The following ZNF534 variants were observed in gnomAD, a reference collection of about 807,000 sequenced individuals.
ZNF534 encodes KRAB domain only 3.
Under a neutral mutation model 13.6 loss-of-function variants are expected in ZNF534, and 19 were observed. That is an observed-to-expected ratio of 1.40 (90% CI 0.97 to 2.05). The LOEUF (loss-of-function observed/expected upper bound fraction) is 2.05. ZNF534 is among the 30% of genes most tolerant of loss of function. The pLI is 0.00. For missense variants in ZNF534, 782 were observed against 796.3 expected (o/e 0.98, Z 0.22); for synonymous variants, 244 against 273.8 (o/e 0.89, Z 1.07).
chr19:52,437,781 TCAA>T lies in ZNF534; in HGVS notation c.324_326del (p.Gln108del), dbSNP rs763354558. The T allele has an allele frequency of 3.1e-6, 5 of 1,601,548 alleles. No homozygotes were observed. The highest frequency in any genetic ancestry group is 4.3e-6 in the Non-Finnish European group (5 of 1,173,198). On this transcript the variant is annotated inframe_deletion, in exon 5 of 5. Transcript: ENST00000433050. ...GTGCAGGAAACAAGTCACTTAAAAATCAACATGGATTAACTCTTCAGTTACATC... is the reference window on the plus strand; with the variant it reads ...GTGCAGGAAACAAGTCACTTAAAAATCATGGATTAACTCTTCAGTTACATC...
intron 4 of ZNF534, 121 bp from the exon 5 acceptor site, chr19:52,437,611 T>TA: frequency 9.3e-7 from 1 of 1,073,168 alleles, no homozygotes; most frequent in South Asian, 1.8e-5. Context: ...TCCATCTCAA[T>TA]AAAAACAAAG....
At chr19:52,451,481 G>A (rs2059216266) in exon 5 of ZNF534, 2 of 568,264 alleles carry the variant, frequency 3.5e-6, no homozygotes, top group Non-Finnish European at 6.2e-6. Flanking sequence ...CCTGAGCAGA[G>A]GCTGCCGCGG....
downstream of ZNF534, among the ~76,000 whole-genome samples, chr19:52,444,362 GTC>G (rs569557049): frequency 2.4e-3 from 363 of 152,260 alleles, 1 homozygote; most frequent in African/African-American, 8.3e-3. Flanking sequence ...CTGTCTATGA[GTC>G]TCTCAGCTGT....
exon 5 of ZNF534, chr19:52,452,162 G>C (rs2059220315): frequency 6.3e-6 from 1 of 159,422 alleles, no homozygotes; most frequent in South Asian, 1.8e-4. Flanking sequence ...GCAGTTGATG[G>C]TTATTTGTAA....
chr19:52,451,742 G>A, exon 5 of ZNF534: 1 of 679,164 alleles, frequency 1.5e-6, no homozygotes, highest in Non-Finnish European at 2.7e-6. Flanking sequence ...GTAGGAGCTG[G>A]TATCACAGAT....
intron 3 of ZNF534, 137 bp from the exon 4 acceptor site, chr19:52,434,944 C>T (rs780764458): frequency 1.8e-6 from 2 of 1,115,906 alleles, no homozygotes; most frequent in Non-Finnish European, 2.5e-6. Flanking sequence ...CCTTAGCATT[C>T]AGAAGGATGC....
Position 52,441,769 on chromosome 19 carries a change from A to G in ZNF534, c.*2323A>G, listed in dbSNP as rs564083955. ...ATAGAGAGAAACCTTACAAATACAAATCACCACATAGAGAGAAACCTTACA... is the reference window on the plus strand; with the variant it reads ...ATAGAGAGAAACCTTACAAATACAAGTCACCACATAGAGAGAAACCTTACA... On this transcript the variant is annotated 3_prime_UTR_variant, in exon 5 of 5. Transcript: ENST00000433050. Among the ~76,000 whole-genome samples the G allele has an allele frequency of 6.6e-6, 1 of 152,360 alleles. No individual in the cohort carries two copies. The highest frequency in any genetic ancestry group is 1.5e-5 in the Non-Finnish European group (1 of 68,038).
chr19:52,431,832 C>G (rs1306014517), intron 2 of ZNF534, among the ~76,000 whole-genome samples: 2 of 149,058 alleles, frequency 1.3e-5, no homozygotes, highest in Non-Finnish European at 3.0e-5. Flanking sequence ...TGGACTAAGA[C>G]TAGAGAAGCT....
exon 5 of ZNF534, chr19:52,451,427 G>T: frequency 1.5e-6 from 1 of 679,398 alleles, no homozygotes; most frequent in Non-Finnish European, 2.6e-6. Flanking sequence ...CCTCGGCCGC[G>T]CAGTGCGGCG....
At chr19:52,433,604 G>A (rs540668046) in intron 2 of ZNF534, among the ~76,000 whole-genome samples, 12 of 152,312 alleles carry the variant, frequency 7.9e-5, no homozygotes, top group African/African-American at 2.6e-4. Context: ...CTGACCTCGT[G>A]ATCCGACCGC....
chr19:52,429,715 C>A (rs191865410), intron 1 of ZNF534, among the ~76,000 whole-genome samples: 21 of 151,988 alleles, frequency 1.4e-4, no homozygotes, highest in Non-Finnish European at 3.1e-4. Flanking sequence ...CCCGCCTGGG[C>A]CTCCCGAGTA....
chr19:52,450,884 C>T (rs921453913), intron 4 of ZNF534, among the ~76,000 whole-genome samples: 14 of 151,686 alleles, frequency 9.2e-5, no homozygotes, highest in African/African-American at 3.4e-4. Context: ...ATGGGTTTTG[C>T]CATGTTGCCC....
chr19:52,446,708 A>AT (rs142575599), downstream of ZNF534, among the ~76,000 whole-genome samples: 117 of 152,214 alleles, frequency 7.7e-4, no homozygotes, highest in Non-Finnish European at 1.1e-3. Flanking sequence ...AAATTATAAA[A>AT]TTAGCTGACT....
exon 5 of ZNF534, chr19:52,451,583 G>T: frequency 1.7e-6 from 1 of 599,718 alleles, no homozygotes; most frequent in South Asian, 2.1e-5. Context: ...CTCCGGGCAC[G>T]CGGGCTACGA....
intron 1 of ZNF534, among the ~76,000 whole-genome samples, chr19:52,429,846 C>T (rs1020528455): frequency 6.6e-6 from 1 of 151,878 alleles, no homozygotes; most frequent in African/African-American, 2.4e-5. Flanking sequence ...CTGCCCGCCT[C>T]ATCCTTTCAA....
rs1389876921 is a variant in ZNF534 at position 52,438,879 on chromosome 19, G to C, written c.1419G>C (p.Lys473Asn). Residue 473 changes from lysine to asparagine, a missense_variant, in exon 5 of 5, where the codon AAG (lysine) becomes AAC (asparagine). By Grantham distance (94) the Lys-to-Asn change is moderately conservative (BLOSUM62 0). This residue lies in a region of ZNF534 where 591 missense variants were observed against 574.0 expected (regional missense o/e 1.03). Coordinates refer to ENST00000433050, the MANE Select transcript of ZNF534 (RefSeq NM_001143938.3). ...CTTACAAATGTAACGAATGTGGCAA[G>C]GTCTTCAGTCAGAATTCAAACCTTC... ...EKPYKCNECG[K>N]VFSQNSNLQR... The C allele has an allele frequency of 6.3e-7, 1 of 1,596,886 alleles. No homozygotes were observed. Among genetic ancestry groups the C allele is most frequent in the South Asian group, 1.1e-5 (1 of 89,840 alleles).
chr19:52,451,344 G>C (rs930352211), exon 5 of ZNF534: 2 of 1,047,134 alleles, frequency 1.9e-6, no homozygotes, highest in African/African-American at 3.1e-5. Context: ...TTTCTGCTTC[G>C]CTTGGCGATG....
At position 52,429,153 on chromosome 19, in the gene ZNF534, C is replaced by G. The variant is rs751591902; in HGVS notation, c.-159C>G. The G allele has an allele frequency of 6.6e-6, 1 of 152,254 alleles. No homozygotes were observed. The highest frequency in any genetic ancestry group is 1.5e-5 in the Non-Finnish European group (1 of 68,084). The allele number at this position is 152,254 out of a possible 1,614,324, so 9.4% of individuals were successfully genotyped here. On this transcript the variant is annotated 5_prime_UTR_variant, in exon 1 of 5. Coordinates refer to ENST00000433050, the MANE Select transcript of ZNF534 (RefSeq NM_001143938.3). ...ATGCGCGCGCAATTTCCTGCAGACCCGGAAGTCGAGATCATGGAGTGAACG... is the reference window on the plus strand; with the variant it reads ...ATGCGCGCGCAATTTCCTGCAGACCGGGAAGTCGAGATCATGGAGTGAACG...
At position 52,435,933 on chromosome 19, in the gene ZNF534, C is replaced by CTTTTTTTT; in HGVS notation, c.271+726_271+727insTTTTTTTT. 6.5e-3 allele frequency among the ~76,000 whole-genome samples: 114 copies of CTTTTTTTT among 17,544 alleles called. 9 individuals carry two copies. The highest frequency in any genetic ancestry group is 7.7e-3 in the African/African-American group (107 of 13,894). 11.5% of individuals were successfully genotyped at this position (17,544 alleles called of 152,430 possible). On this transcript the variant is annotated intron_variant, in intron 4 of 4. Transcript: ENST00000433050. Reference sequence around the variant, plus strand: ...CATTGATGTTTTTCTTATTTTTCTTCTTCTTCTTTTTTTTTTTTTTTTTGA... The same window carrying CTTTTTTTT: ...CATTGATGTTTTTCTTATTTTTCTTCTTTTTTTTTTCTTCTTTTTTTTTTTTTTTTTGA...
Sources: allele counts gnomAD v4.1 joint callset (sites outside exome capture counted in the v4.1 genomes callset), GRCh38; gene constraint gnomAD v4.1.1; regional missense constraint gnomAD v4.1.1; transcripts MANE v1.5; gene names NCBI Gene and HGNC (gene_info 2026-07-23, HGNC 2026-07-21).